Variants in LILRA2 observed in about 807,000 individuals in gnomAD.
LILRA2 encodes leukocyte immunoglobulin like receptor A2, also known as leukocyte immunoglobulin-like receptor subfamily A member 2.
In LILRA2, 45 loss-of-function variants were observed where a neutral mutation model predicts 47.9. The observed-to-expected ratio is 0.94, with a 90% CI of 0.74 to 1.20. The LOEUF (loss-of-function observed/expected upper bound fraction) is 1.20, where lower values mean the gene tolerates loss of function less well. LILRA2 is among the 50% of genes most tolerant of loss of function. The pLI is 0.00. For synonymous variants in LILRA2, 279 were observed against 249.2 expected (o/e 1.12, Z -1.13); for missense variants, 651 against 598.2 (o/e 1.09, Z -0.92).
At chr19:54,584,777 A>C (rs1396997673) in intron 6 of LILRA2, among the ~76,000 whole-genome samples, 1 of 152,138 alleles carries the variant, frequency 6.6e-6, no homozygotes, top group Non-Finnish European at 1.5e-5. Flanking sequence ...TACTTCCATC[A>C]ACTTGTCAAA....
rs1302037955 is a variant in LILRA2 at position 54,587,997 on chromosome 19, G to A, written c.*651G>A. ...ACATCTCTAAAATACTGTAATTAGT[G>A]GTATCTACCAATTTCTGTGACATAA... On this transcript the variant is annotated 3_prime_UTR_variant, in exon 8 of 8. Transcript: ENST00000391738. 1 of 152,366 alleles carries A rather than the reference G, an allele frequency of 6.6e-6. No homozygotes were observed. Among genetic ancestry groups the A allele is most frequent in the Non-Finnish European group, 1.5e-5 (1 of 68,220 alleles). The allele number at this position is 152,366 out of a possible 1,614,324, so 9.4% of individuals were successfully genotyped here. A position where few individuals can be genotyped will look rare whatever the true frequency, so the allele number is the denominator to read the frequency against.
In LILRA2 at chr19:54,583,685, TC is replaced by T. The variant is rs201439814; in HGVS notation, c.1256-3323del. On this transcript the variant is annotated intron_variant, in intron 6 of 7. Transcript: ENST00000391738. ...TGTGTCTCTGCACATGAGATGGGTC[TC>T]CTGAATACAGCACACTGATGGGTCT... 9.3e-3 allele frequency among the ~76,000 whole-genome samples: 1,415 copies of T among 152,280 alleles called. 22 individuals are homozygous for T. The highest frequency in any genetic ancestry group is 0.032 in the African/African-American group (1,346 of 41,536).
At chr19:54,579,152 C>G (rs963905228) in intron 6 of LILRA2, among the ~76,000 whole-genome samples, 7 of 152,128 alleles carry the variant, frequency 4.6e-5, no homozygotes, top group African/African-American at 1.7e-4. Context: ...GGTGCCATTG[C>G]TTGTGGTGTT....
chr19:54,580,090 ACAC>A (rs2062597015), intron 6 of LILRA2, among the ~76,000 whole-genome samples: 1 of 151,974 alleles, frequency 6.6e-6, no homozygotes, highest in South Asian at 2.1e-4. Flanking sequence ...CTAATTGAAT[ACAC>A]TTTATTTCTT....
At chr19:54,573,771 A>G, upstream of LILRA2, 2 of 1,598,452 alleles carry the variant, frequency 1.3e-6, no homozygotes, top group East Asian at 2.2e-5. Context: ...ACAAAACCCC[A>G]TGACAAGAAG....
At chr19:54,586,764 C>G (rs1170126607) in intron 6 of LILRA2, among the ~76,000 whole-genome samples, 1 of 152,128 alleles carries the variant, frequency 6.6e-6, no homozygotes, top group Admixed American at 6.5e-5. Flanking sequence ...CTTACCATAT[C>G]CATGCTGAGC....
chr19:54,575,134 G>T, intron 4 of LILRA2, 101 bp downstream of exon 4: 2 of 1,558,362 alleles, frequency 1.3e-6, no homozygotes, highest in Non-Finnish European at 8.7e-7. Flanking sequence ...GTGGGATGAT[G>T]TTGGGGCGAG....
chr19:54,585,807 C>T (rs562705139), intron 6 of LILRA2, among the ~76,000 whole-genome samples: 1 of 152,176 alleles, frequency 6.6e-6, no homozygotes, highest in South Asian at 2.1e-4. Flanking sequence ...CAGCCACAGT[C>T]CAACCAGTCC....
chr19:54,587,177 G>C, intron 7 of LILRA2, 24 bp from the exon 8 acceptor site: 4 of 1,614,030 alleles, frequency 2.5e-6, no homozygotes, highest in Non-Finnish European at 3.4e-6. Context: ...GATCTGCCCT[G>C]ACCTCTGTGA....
At chr19:54,579,891 C>G (rs924974855) in intron 6 of LILRA2, among the ~76,000 whole-genome samples, 1 of 152,150 alleles carries the variant, frequency 6.6e-6, no homozygotes, top group African/African-American at 2.4e-5. Flanking sequence ...GGAGTTCACT[C>G]ATGACTTGGC....
At position 54,589,529 on chromosome 19, in the gene LILRA2, A is replaced by T. The variant is rs1480032068; in HGVS notation, c.*2183A>T. The T allele has an allele frequency of 6.6e-6, 1 of 152,208 alleles. No individual in the cohort carries two copies. The highest frequency in any genetic ancestry group is 1.5e-5 in the Non-Finnish European group (1 of 68,042). 9.4% of individuals were successfully genotyped at this position (152,208 alleles called of 1,614,324 possible). A position where few individuals can be genotyped will look rare whatever the true frequency, so the allele number is the denominator to read the frequency against. ...AAAAAAGAGAAATACATTTAACCAA[A>T]GAGATGCAATACGTATACATTGACA... On this transcript the variant is annotated 3_prime_UTR_variant, in exon 8 of 8. Transcript: ENST00000391738.
At chr19:54,586,377 G>T (rs2062808104) in intron 6 of LILRA2, among the ~76,000 whole-genome samples, 1 of 151,892 alleles carries the variant, frequency 6.6e-6, no homozygotes, top group Non-Finnish European at 1.5e-5. Flanking sequence ...GCATATTTGT[G>T]TGTGTGGGTG....
rs749185503 is a variant in LILRA2 at position 54,586,760 on chromosome 19, A to T, written c.1256-250A>T. 3.6e-3 allele frequency among the ~76,000 whole-genome samples: 549 copies of T among 152,222 alleles called. No individual in the cohort carries two copies. The South Asian group carries it at 0.072, about 20-fold the overall frequency. On this transcript the variant is annotated intron_variant, in intron 6 of 7. Transcript: ENST00000391738. The stretch of plus-strand genomic sequence containing the variant: ...ATTTCTGTATTGGGGACCACTTACC[A>T]TATCCATGCTGAGCTCCCGGGATGC...
At position 54,576,012 on chromosome 19, in the gene LILRA2, C is replaced by T. The variant is rs2062412137; in HGVS notation, c.1158C>T (p.Thr386=). 2 of 1,613,982 alleles carry T rather than the reference C, an allele frequency of 1.2e-6. No individual in the cohort carries two copies. The highest frequency in any genetic ancestry group is 1.7e-6 in the Non-Finnish European group (2 of 1,179,966). ...CTGAATTCCGCATGGGTCCTGTGAC[C>T]TCAGCCCACGTGGGGACCTACAGAT... ...NQAEFRMGPV[T]SAHVGTYRCY... The change falls in exon 6 of 8, where the codon ACC becomes ACT. Residue 386 remains threonine, a synonymous_variant. Transcript: ENST00000391738.
chr19:54,581,694 T>C (rs1481987752), intron 6 of LILRA2, among the ~76,000 whole-genome samples: 1 of 151,510 alleles, frequency 6.6e-6, no homozygotes, highest in Non-Finnish European at 1.5e-5. Flanking sequence ...GAACATTCCA[T>C]GCTCATGGGT....
At position 54,587,665 on chromosome 19, in the gene LILRA2, T is replaced by C. The variant is rs2062855025; in HGVS notation, c.*319T>C. On this transcript the variant is annotated 3_prime_UTR_variant, in exon 8 of 8. Transcript: ENST00000391738. The stretch of plus-strand genomic sequence containing the variant: ...CACACCTCCACACACCTGTGTGCTC[T>C]GGTCCACGGCATGTGACACAGTCTT... 1 of 401,850 alleles carries C rather than the reference T, an allele frequency of 2.5e-6. No homozygotes were observed. Among genetic ancestry groups the C allele is most frequent in the Non-Finnish European group, 4.6e-6 (1 of 219,474 alleles). The allele number at this position is 401,850 out of a possible 1,614,324, so 24.9% of individuals were successfully genotyped here.
rs754870024 is a variant in LILRA2, at chr19:54,574,937, C to G, written c.559C>G (p.Pro187Ala). 69 of 1,614,286 alleles carry G rather than the reference C, an allele frequency of 4.3e-5. No individual in the cohort carries two copies. In the East Asian group the frequency reaches 1.3e-3, roughly 30 times the overall value. Residue 187 changes from proline to alanine, a missense_variant, in exon 4 of 8, where the codon CCG becomes GCG. By Grantham distance (27) the Pro-to-Ala change is conservative. Coordinates refer to ENST00000391738, the MANE Select transcript of LILRA2 (RefSeq NM_001130917.3). ...WAIFSVGPVSPSRRWSYRCYA... is the reference protein window; with the variant it reads ...WAIFSVGPVSASRRWSYRCYA... ...CATCTTCTCCGTGGGCCCCGTGAGC[C>G]CGAGTCGCAGGTGGTCGTACAGGTG... is the stretch of plus-strand genomic sequence containing the variant.
chr19:54,577,417 G>A (rs1390029133), intron 6 of LILRA2: 6 of 1,227,668 alleles, frequency 4.9e-6, no homozygotes, highest in South Asian at 1.4e-5. Flanking sequence ...GAGTTGGAGA[G>A]AGGACAGATG....
At chr19:54,575,623 G>T in intron 5 of LILRA2, 71 bp downstream of exon 5, 2 of 1,563,940 alleles carry the variant, frequency 1.3e-6, no homozygotes, top group Non-Finnish European at 1.7e-6. Flanking sequence ...CCCAGGTGGT[G>T]ATGGCCGGAA....
Sources: gnomAD v4.1 joint callset for allele counts (sites outside exome capture counted in the v4.1 genomes callset) on GRCh38, gnomAD v4.1.1 for gene constraint, MANE v1.5 for transcripts, NCBI Gene and HGNC (gene_info 2026-07-23, HGNC 2026-07-21) for gene names.